The following ZNF827 variants were observed in gnomAD, a reference collection of about 807,000 sequenced individuals.
ZNF827 encodes the protein zinc finger protein 827.
Under a neutral mutation model 102.4 loss-of-function variants are expected in ZNF827, and 13 were observed. The observed-to-expected ratio is 0.13, with a 90% CI of 0.08 to 0.20. ZNF827 has a LOEUF of 0.20. Among genes scored for constraint, ZNF827 ranks in the 10% least tolerant of loss-of-function variants. ZNF827 has a pLI of 1.00. For synonymous variants in ZNF827, 523 were observed against 536.2 expected (o/e 0.98, Z 0.34); for missense variants, 1,103 against 1,344.4 (o/e 0.82, Z 2.81).
intron 8 of ZNF827, among the ~76,000 whole-genome samples, chr4:145,802,036 C>T (rs1452518624): frequency 2.0e-5 from 3 of 152,134 alleles, no homozygotes; most frequent in Non-Finnish European, 4.4e-5. Context: ...TTATCTAATA[C>T]ACCGAATAAG....
chr4:145,854,751 T>C (rs905431316), intron 5 of ZNF827, among the ~76,000 whole-genome samples: 3 of 152,208 alleles, frequency 2.0e-5, no homozygotes, highest in Non-Finnish European at 2.9e-5. Context: ...AAAACCCTAT[T>C]CAAACTTCAA....
At chr4:145,871,815 C>T (rs759784783) in intron 4 of ZNF827, among the ~76,000 whole-genome samples, 78 of 152,094 alleles carry the variant, frequency 5.1e-4, no homozygotes, top group Non-Finnish European at 2.6e-4. Flanking sequence ...TCACACAGAC[C>T]AGCATATTTG....
rs200312924 is a variant in ZNF827 at position 145,781,030 on chromosome 4, A to G, written c.2384-1519T>C. ...GCTAACACGGTGAAACACTGTCTCC[A>G]CTAAAAATACAAAAATTTAGCCGGG... On this transcript the variant is annotated intron_variant, in intron 8 of 14. Transcript: ENST00000508784. Among the ~76,000 whole-genome samples, 85 of 152,108 alleles carry G rather than the reference A, an allele frequency of 5.6e-4. 1 individual carries two copies. The East Asian group carries it at 0.012, about 22-fold the overall frequency.
chr4:145,840,772 G>A (rs1329251905), intron 7 of ZNF827, among the ~76,000 whole-genome samples: 1 of 152,160 alleles, frequency 6.6e-6, no homozygotes, highest in Non-Finnish European at 1.5e-5. Context: ...ACAAATTTGT[G>A]CAATTTCTAT....
At position 145,838,187 on chromosome 4, in the gene ZNF827, C is replaced by A. The variant is rs544905580; in HGVS notation, c.2279+7769G>T. Among the ~76,000 whole-genome samples the A allele has an allele frequency of 1.1e-4, 17 of 152,226 alleles. No homozygotes were observed. In the East Asian group the frequency reaches 3.3e-3, roughly 29 times the overall value. On this transcript the variant is annotated intron_variant, in intron 7 of 14. Transcript: ENST00000508784. ...CAGCCCCACCTTAACTGATGACATT[C>A]CACCACAAAAGAAGTGTAAATGGCT...
chr4:145,775,628 G>A (rs2126946004), intron 10 of ZNF827, among the ~76,000 whole-genome samples, 161 bp downstream of exon 10: 1 of 152,286 alleles, frequency 6.6e-6, no homozygotes, highest in Non-Finnish European at 1.5e-5. Flanking sequence ...AGGAGTCTGT[G>A]CAACTGCAGG....
At chr4:145,811,610 CCCAAGCAAGAGGGAAAAA>C (rs1198294349) in intron 8 of ZNF827, among the ~76,000 whole-genome samples, 3 of 152,058 alleles carry the variant, frequency 2.0e-5, no homozygotes, top group Non-Finnish European at 4.4e-5. Flanking sequence ...GGACATGTTT[CCCAAGCAAGAGGGAAAAA>C]CCACGCACAA....
chr4:145,923,023 G>C (rs1174300795), intron 1 of ZNF827, among the ~76,000 whole-genome samples: 2 of 151,826 alleles, frequency 1.3e-5, no homozygotes, highest in Admixed American at 1.3e-4. Context: ...GTCAACATTT[G>C]GTAGATCTAC....
chr4:145,842,395 G>A lies in ZNF827; in HGVS notation c.2279+3561C>T, dbSNP rs560817811. Among the ~76,000 whole-genome samples the A allele has an allele frequency of 2.3e-3, 349 of 152,308 alleles. 2 individuals carry two copies. Among genetic ancestry groups the A allele is most frequent in the African/African-American group, 8.0e-3 (333 of 41,560 alleles). Reference sequence around the variant, plus strand: ...AACAGCACACATCCGTGGACTTCGTGTTCTCTTGGTGCAGGACACGGGCAT... The same window carrying A: ...AACAGCACACATCCGTGGACTTCGTATTCTCTTGGTGCAGGACACGGGCAT... On this transcript the variant is annotated intron_variant, in intron 7 of 14. Transcript: ENST00000508784.
chr4:145,763,880 C>T lies in ZNF827; in HGVS notation c.3231-758G>A, dbSNP rs879785477. 3.2e-4 allele frequency among the ~76,000 whole-genome samples: 49 copies of T among 151,350 alleles called. 1 individual carries two copies. Among genetic ancestry groups the T allele is most frequent in the Middle Eastern group, 3.4e-3 (1 of 290 alleles). ...CCCTCCCCCTCCCCCAAGAGTGAAA[C>T]GAAATGGAGTTCAACGGAGGTCCTG... On this transcript the variant is annotated intron_variant, in intron 13 of 14. Transcript: ENST00000508784. This position sits in a 1 kb window ranked among gnomAD's most constrained non-coding sequence, Gnocchi z 4.6.
chr4:145,780,777 T>C (rs1282373866), intron 8 of ZNF827, among the ~76,000 whole-genome samples: 1 of 152,238 alleles, frequency 6.6e-6, no homozygotes, highest in Non-Finnish European at 1.5e-5. Context: ...CACACTAAGT[T>C]AATATCTTGT....
At chr4:145,803,057 C>T (rs979493007) in intron 8 of ZNF827, among the ~76,000 whole-genome samples, 1 of 152,094 alleles carries the variant, frequency 6.6e-6, no homozygotes, top group African/African-American at 2.4e-5. Flanking sequence ...CTTCCTTCCT[C>T]TCTCCCTCTC....
chr4:145,905,515 TG>T (rs1579533521), intron 1 of ZNF827, among the ~76,000 whole-genome samples: 1 of 152,234 alleles, frequency 6.6e-6, no homozygotes, highest in East Asian at 1.9e-4. Flanking sequence ...AAAAACAGTC[TG>T]GTTCTTTGTG....
At chr4:145,901,586 A>C (rs1311060029) in intron 2 of ZNF827, among the ~76,000 whole-genome samples, 1 of 152,190 alleles carries the variant, frequency 6.6e-6, no homozygotes, top group Non-Finnish European at 1.5e-5. Context: ...AATCTTTTTG[A>C]GTTCTTATAG....
intron 1 of ZNF827, among the ~76,000 whole-genome samples, chr4:145,915,751 A>T (rs1752622895): frequency 6.6e-6 from 1 of 152,240 alleles, no homozygotes; most frequent in Non-Finnish European, 1.5e-5. Flanking sequence ...TCCAGAGTCT[A>T]ATCTAAATTA....
intron 8 of ZNF827, among the ~76,000 whole-genome samples, chr4:145,820,701 T>C: frequency 6.6e-6 from 1 of 152,186 alleles, no homozygotes. Flanking sequence ...TTTTTCTCTC[T>C]AACTCAGGCC....
intron 8 of ZNF827, among the ~76,000 whole-genome samples, chr4:145,811,142 C>T (rs1433451835): frequency 6.6e-6 from 1 of 152,004 alleles, no homozygotes; most frequent in Non-Finnish European, 1.5e-5. Flanking sequence ...CAGGCATGCA[C>T]CACCATGCCT....
intron 4 of ZNF827, among the ~76,000 whole-genome samples, chr4:145,884,664 T>G (rs1749955113): frequency 6.6e-6 from 1 of 152,076 alleles, no homozygotes; most frequent in Non-Finnish European, 1.5e-5. Context: ...AAAAACAAAG[T>G]GCCCTAAGAC....
At chr4:145,879,276 C>T (rs1037264859) in intron 4 of ZNF827, among the ~76,000 whole-genome samples, 1 of 152,172 alleles carries the variant, frequency 6.6e-6, no homozygotes, top group Non-Finnish European at 1.5e-5. Context: ...CCCTATAGGG[C>T]TGTGGTGAAG....
Sources: allele counts gnomAD v4.1 joint callset (sites outside exome capture counted in the v4.1 genomes callset), GRCh38; gene constraint gnomAD v4.1.1; non-coding constraint Gnocchi (gnomAD v3.1); transcripts MANE v1.5; gene names NCBI Gene and HGNC (gene_info 2026-07-23, HGNC 2026-07-21).